The following GREB1L variants were observed in gnomAD, a reference collection of about 807,000 sequenced individuals.
The protein encoded by GREB1L is GREB1-like protein.
In GREB1L, 17 loss-of-function variants were observed where a neutral mutation model predicts 200.8. That is an observed-to-expected ratio of 0.08 (90% confidence interval 0.06 to 0.13). GREB1L has a LOEUF of 0.13. Among genes scored for constraint, GREB1L ranks in the 10% least tolerant of loss-of-function variants. GREB1L has a pLI of 1.00. For synonymous variants in GREB1L, 789 were observed against 893.0 expected (o/e 0.88, Z 2.08); for missense variants, 1,657 against 2,367.7 (o/e 0.70, Z 6.23).
chr18:21,470,652 G>T (rs534213432), intron 15 of GREB1L, among the ~76,000 whole-genome samples: 10 of 152,012 alleles, frequency 6.6e-5, no homozygotes, highest in African/African-American at 1.7e-4. Context: ...AGTAAACAAT[G>T]ATAGTTTTGT....
intron 22 of GREB1L, 37 bp downstream of exon 22, chr18:21,500,343 G>T: frequency 1.1e-6 from 1 of 931,022 alleles, no homozygotes; most frequent in Admixed American, 2.1e-5. Context: ...TCTTAGGCTG[G>T]GGTTGGCGCG....
chr18:21,453,712 T>A (rs1409069615), intron 14 of GREB1L, among the ~76,000 whole-genome samples: 1 of 152,182 alleles, frequency 6.6e-6, no homozygotes, highest in Non-Finnish European at 1.5e-5. Context: ...AGTCCAGGCA[T>A]CAGCACTGGA....
chr18:21,377,910 C>CA lies in GREB1L; in HGVS notation c.-9-5592dup, dbSNP rs1046159085. Among the ~76,000 whole-genome samples, 113 of 151,366 alleles carry CA rather than the reference C, an allele frequency of 7.5e-4. 2 individuals carry two copies. The highest frequency in any genetic ancestry group is 1.8e-3 in the Admixed American group (28 of 15,170). On this transcript the variant is annotated intron_variant, in intron 2 of 32. Coordinates refer to ENST00000424526, the MANE Select transcript of GREB1L (RefSeq NM_001142966.3). ...GGGCAACAAGAGTATAACTCTGTCT[C>CA]AAAAAAAACAGAGACAAGGTATCAT...
At position 21,496,635 on chromosome 18, in the gene GREB1L, G is replaced by A. The variant is rs184926533; in HGVS notation, c.3328G>A (p.Asp1110Asn). ...AGCTGCTGTCAGTGAGAATGACTCCGATGAGCTGCTCATCGACCTGGAGCG... is the reference window on the plus strand; with the variant it reads ...AGCTGCTGTCAGTGAGAATGACTCCAATGAGCTGCTCATCGACCTGGAGCG... ...ERAAVSENDS[D>N]ELLIDLERPQ... The change falls in exon 21 of 33, where the codon GAT becomes AAT. Residue 1110 changes from aspartate to asparagine, a missense_variant. Physicochemically the swap from Asp to Asn is conservative, Grantham distance 23. Transcript: ENST00000424526. 1.8e-3 allele frequency: 2,716 copies of A among 1,551,680 alleles called. 10 individuals carry two copies. Among genetic ancestry groups the A allele is most frequent in the Non-Finnish European group, 1.2e-3 (1,389 of 1,147,000 alleles).
intron 1 of GREB1L, among the ~76,000 whole-genome samples, chr18:21,268,522 T>TATACAC (rs1555623509): frequency 1.2e-4 from 8 of 65,136 alleles, no homozygotes; most frequent in Non-Finnish European, 2.1e-4. Context: ...TATATATATA[T>TATACAC]ACACACACAC....
chr18:21,459,593 C>T (rs2090600461), intron 15 of GREB1L, among the ~76,000 whole-genome samples: 1 of 152,000 alleles, frequency 6.6e-6, no homozygotes, highest in Non-Finnish European at 1.5e-5. Flanking sequence ...GGCCGGCATT[C>T]TCAGTTTCTA....
rs938043197 is a variant in GREB1L, at chr18:21,524,187, A to G, written c.*1366A>G. On this transcript the variant is annotated 3_prime_UTR_variant, in exon 33 of 33. Transcript: ENST00000424526. ...GAATCAATCTTGTTTGTGACCTGAA[A>G]CTACTGAGGGGCCTACTAAGCCTGC... The G allele has an allele frequency of 1.3e-5, 2 of 152,158 alleles. No individual in the cohort carries two copies. The highest frequency in any genetic ancestry group is 4.8e-5 in the African/African-American group (2 of 41,424). 9.4% of individuals were successfully genotyped at this position (152,158 alleles called of 1,614,324 possible).
At chr18:21,355,727 G>A (rs1046394566) in intron 1 of GREB1L, among the ~76,000 whole-genome samples, 13 of 152,156 alleles carry the variant, frequency 8.5e-5, no homozygotes, top group African/African-American at 3.1e-4. Context: ...GATGAGAACT[G>A]AAAAATGTTC....
Position 21,519,472 on chromosome 18 carries a change from A to C in GREB1L, c.5473-1216A>C, listed in dbSNP as rs141120965. On this transcript the variant is annotated intron_variant, in intron 31 of 32. Coordinates refer to ENST00000424526, the MANE Select transcript of GREB1L (RefSeq NM_001142966.3). ...GACCCCATCTCAAAAAAAACAAAAC[A>C]AACCCACACCCACGAGATCTAATAA... Among the ~76,000 whole-genome samples, 313 of 152,194 alleles carry C rather than the reference A, an allele frequency of 2.1e-3. 2 individuals are homozygous for C. Among genetic ancestry groups the C allele is most frequent in the East Asian group, 0.017 (88 of 5,176 alleles).
chr18:21,447,139 A>G (rs2034266126), intron 11 of GREB1L, among the ~76,000 whole-genome samples: 1 of 152,104 alleles, frequency 6.6e-6, no homozygotes, highest in African/African-American at 2.4e-5. Flanking sequence ...AGGATGAGGT[A>G]CTGGGTGTGG....
intron 1 of GREB1L, among the ~76,000 whole-genome samples, chr18:21,349,179 T>C (rs1348709907): frequency 1.3e-5 from 2 of 152,226 alleles, no homozygotes; most frequent in African/African-American, 4.8e-5. Context: ...AATCACGCTT[T>C]CACACTTCCA....
intron 7 of GREB1L, among the ~76,000 whole-genome samples, chr18:21,405,742 A>G (rs1276453856): frequency 6.6e-6 from 1 of 152,210 alleles, no homozygotes; most frequent in Non-Finnish European, 1.5e-5. Context: ...TGGAAGTTGC[A>G]ATGAGCCGAG....
At chr18:21,490,793 C>T (rs1339424081) in intron 19 of GREB1L, among the ~76,000 whole-genome samples, 1 of 152,164 alleles carries the variant, frequency 6.6e-6, no homozygotes, top group African/African-American at 2.4e-5. Context: ...TGTCTAGAGT[C>T]GGTAAAGTAT....
At chr18:21,454,606 T>G in intron 15 of GREB1L, 43 bp downstream of exon 15, 2 of 1,379,938 alleles carry the variant, frequency 1.4e-6, no homozygotes, top group Non-Finnish European at 2.0e-6. Context: ...AGATCCAGCT[T>G]CAGATCCCCT....
intron 7 of GREB1L, among the ~76,000 whole-genome samples, chr18:21,422,883 T>G (rs2032266870): frequency 6.6e-6 from 1 of 152,158 alleles, no homozygotes; most frequent in African/African-American, 2.4e-5. Context: ...CTAATTGAGT[T>G]TATTTATTGA....
Position 21,452,348 on chromosome 18 carries a change from G to A in GREB1L, c.1984+131G>A, listed in dbSNP as rs2034567644. 6 of 855,716 alleles carry A rather than the reference G, an allele frequency of 7.0e-6. No individual in the cohort carries two copies. The Admixed American group carries it at 1.6e-4, about 22-fold the overall frequency. The allele number at this position is 855,716 out of a possible 1,614,324, so 53.0% of individuals were successfully genotyped here. On this transcript the variant is annotated intron_variant, in intron 14 of 32. Transcript: ENST00000424526. ...ACAGCCTTTTCCTGATTGTCTACATGATAAACCTGGTTGAAATTAAAAATG... is the reference window on the plus strand; with the variant it reads ...ACAGCCTTTTCCTGATTGTCTACATAATAAACCTGGTTGAAATTAAAAATG...
intron 27 of GREB1L, among the ~76,000 whole-genome samples, chr18:21,512,675 G>A (rs752985955): frequency 1.3e-5 from 2 of 151,620 alleles, no homozygotes; most frequent in African/African-American, 2.4e-5. Context: ...TTCTCTGGCC[G>A]TGACTTCCAG....
intron 1 of GREB1L, among the ~76,000 whole-genome samples, chr18:21,250,218 C>G (rs2037680505): frequency 6.6e-6 from 1 of 152,128 alleles, no homozygotes; most frequent in Non-Finnish European, 1.5e-5. Context: ...CTTTTTACTT[C>G]AAATTCTTTG....
At chr18:21,272,015 G>A (rs2038087565) in intron 1 of GREB1L, among the ~76,000 whole-genome samples, 1 of 152,150 alleles carries the variant, frequency 6.6e-6, no homozygotes, top group South Asian at 2.1e-4. Flanking sequence ...ACTAAAAACA[G>A]GACTAAGAAT....
Sources: gnomAD v4.1 joint callset for allele counts (sites outside exome capture counted in the v4.1 genomes callset) on GRCh38, gnomAD v4.1.1 for gene constraint, MANE v1.5 for transcripts, NCBI Gene and HGNC (gene_info 2026-07-23, HGNC 2026-07-21) for gene names.